Variants in DMD observed in about 807,000 individuals in gnomAD.
The protein encoded by DMD is dystrophin, also known as mutant dystrophin.
A neutral mutation model predicts 330.1 loss-of-function variants in DMD; 63 were observed. The observed-to-expected ratio is 0.19, with a 90% CI of 0.16 to 0.24. The LOEUF is 0.24. DMD is among the 10% of genes least tolerant of loss of function. The pLI is 1.00. For missense variants in DMD, 3,344 were observed against 2,684.1 expected, an observed-to-expected ratio of 1.25 and a Z score of -5.43; for synonymous variants, 1,223 against 959.8, an observed-to-expected ratio of 1.27 and a Z score of -5.07.
intron 48 of DMD, among the ~76,000 whole-genome samples, chrX:31,873,886 T>C (rs1208153547): frequency 9.0e-6 from 1 of 111,719 alleles, no homozygotes. Flanking sequence ...GTACTGTCTT[T>C]ATTCATTGAC....
chrX:32,229,733 A>G (rs2097162314), intron 43 of DMD, among the ~76,000 whole-genome samples: 1 of 79,353 alleles, frequency 1.3e-5, no homozygotes, highest in African/African-American at 4.6e-5. Context: ...TATAAAATCA[A>G]AGAGTTTGGG....
At chrX:32,506,175 T>A (rs1354806496) in intron 18 of DMD, among the ~76,000 whole-genome samples, 3 of 111,412 alleles carry the variant, frequency 2.7e-5, no homozygotes, top group Non-Finnish European at 5.7e-5. Context: ...AACTATGAAC[T>A]TTGGGAGATA....
At chrX:32,068,839 A>G (rs2096277481) in intron 44 of DMD, among the ~76,000 whole-genome samples, 1 of 111,532 alleles carries the variant, frequency 9.0e-6, no homozygotes, top group African/African-American at 3.3e-5. Flanking sequence ...GAGATCACCC[A>G]CCATAATATG....
chrX:32,600,915 A>T (rs1234720254), intron 12 of DMD, among the ~76,000 whole-genome samples: 1 of 111,550 alleles, frequency 9.0e-6, no homozygotes, highest in African/African-American at 3.3e-5. Context: ...TGAACAAAAA[A>T]ATCCCTAGAT....
At chrX:33,200,344 T>A (rs926892403) in intron 1 of DMD, among the ~76,000 whole-genome samples, 6 of 111,255 alleles carry the variant, frequency 5.4e-5, no homozygotes, top group Middle Eastern at 4.8e-3. Context: ...ACTGATCTTA[T>A]CAGTAAAGCC....
chrX:32,717,445 G>A (rs1015455163), intron 7 of DMD, among the ~76,000 whole-genome samples: 2 of 111,955 alleles, frequency 1.8e-5, no homozygotes, highest in African/African-American at 6.5e-5. Flanking sequence ...CAAGTGTGCA[G>A]AGTGTGAGAG....
intron 57 of DMD, among the ~76,000 whole-genome samples, chrX:31,493,887 C>T (rs1032021868): frequency 9.0e-6 from 1 of 111,141 alleles, no homozygotes; most frequent in East Asian, 2.8e-4. Context: ...TGGCCAGGTG[C>T]GGTGGCTCAC....
In DMD at chrX:31,352,108, T is replaced by C. The variant is rs1158734718; in HGVS notation, c.9085-3474A>G. ...CTTTTTAATTTCTTTAATCAGTTTATTGAATGCAGACCAATTCTAGTGTGC... is the reference window on the plus strand; with the variant it reads ...CTTTTTAATTTCTTTAATCAGTTTACTGAATGCAGACCAATTCTAGTGTGC... On this transcript the variant is annotated intron_variant, in intron 60 of 78. Transcript: ENST00000357033. 7.2e-5 allele frequency among the ~76,000 whole-genome samples: 8 copies of C among 111,592 alleles called. No homozygotes were observed. The Admixed American group carries it at 7.7e-4, about 11-fold the overall frequency.
intron 44 of DMD, chrX:32,206,393 TGA>T: frequency 2.0e-6 from 1 of 507,148 alleles, no homozygotes; most frequent in East Asian, 3.8e-5. Context: ...TTGATGATGA[TGA>T]TGATTTTGAT....
chrX:32,130,918 C>T (rs2096689871), intron 44 of DMD, among the ~76,000 whole-genome samples: 1 of 112,179 alleles, frequency 8.9e-6, no homozygotes, highest in Non-Finnish European at 1.9e-5. Context: ...GGTGCGCTGG[C>T]TCATGCCCGT....
intron 15 of DMD, among the ~76,000 whole-genome samples, chrX:32,571,544 C>G (rs1334199882): frequency 9.0e-6 from 1 of 111,678 alleles, no homozygotes; most frequent in Non-Finnish European, 1.9e-5. Flanking sequence ...CTTAATGTGT[C>G]ACTCTACACA....
At chrX:31,682,836 C>T (rs887235575) in intron 52 of DMD, among the ~76,000 whole-genome samples, 1 of 112,074 alleles carries the variant, frequency 8.9e-6, no homozygotes, top group South Asian at 3.7e-4. Flanking sequence ...TTTTGTACAT[C>T]CTACAGTTCA....
At chrX:32,811,058 C>G (rs181220103) in intron 6 of DMD, among the ~76,000 whole-genome samples, 1 of 110,038 alleles carries the variant, frequency 9.1e-6, no homozygotes, top group Non-Finnish European at 1.9e-5. Context: ...GCTGGCCAGG[C>G]ACCTTGGCTC....
intron 43 of DMD, among the ~76,000 whole-genome samples, chrX:32,236,510 C>G (rs906619569): frequency 8.9e-6 from 1 of 111,836 alleles, no homozygotes; most frequent in African/African-American, 3.3e-5. Context: ...TGAATTCCTA[C>G]ATGTTGTGGG....
intron 1 of DMD, among the ~76,000 whole-genome samples, chrX:33,231,385 C>T (rs990155999): frequency 1.8e-5 from 2 of 111,935 alleles, no homozygotes; most frequent in Non-Finnish European, 3.8e-5. Context: ...CTAAAAACCA[C>T]CAGATAGAGT....
At chrX:32,846,723 T>TAAAAAAAAAA (rs10564725) in intron 3 of DMD, among the ~76,000 whole-genome samples, 2 of 53,579 alleles carry the variant, frequency 3.7e-5, no homozygotes, top group East Asian at 7.0e-4. Flanking sequence ...ACTTTAGATT[T>TAAAAAAAAAA]AAAAAAAAAA....
At chrX:32,435,275 C>CATATATATATATATATAT (rs57376337) in intron 29 of DMD, among the ~76,000 whole-genome samples, 1,739 of 79,402 alleles carry the variant, frequency 0.022, 86 homozygotes, top group East Asian at 0.16. Flanking sequence ...TATATACTTA[C>CATATATATATATATATAT]ATATATATAT....
At chrX:33,270,645 C>T (rs1402902833) in intron 1 of DMD, among the ~76,000 whole-genome samples, 2 of 111,834 alleles carry the variant, frequency 1.8e-5, no homozygotes, top group Non-Finnish European at 3.8e-5. Context: ...CATCCCGTTG[C>T]ACACGTCCTC....
At chrX:31,245,170 A>G (rs1417803422) in intron 63 of DMD, among the ~76,000 whole-genome samples, 1 of 111,973 alleles carries the variant, frequency 8.9e-6, no homozygotes, top group Non-Finnish European at 1.9e-5. Flanking sequence ...TAAGATAACA[A>G]ATTGCCAATA....
Sources: gnomAD v4.1 joint callset for allele counts (sites outside exome capture counted in the v4.1 genomes callset) on GRCh38, gnomAD v4.1.1 for gene constraint, MANE v1.5 for transcripts, NCBI Gene and HGNC (gene_info 2026-07-23, HGNC 2026-07-21) for gene names.